The following CYP4F11 variants were observed in gnomAD, a reference collection of about 807,000 sequenced individuals.
CYP4F11 encodes the protein cytochrome P450 4F11.
Under a neutral mutation model 62.2 loss-of-function variants are expected in CYP4F11, and 79 were observed. That is an observed-to-expected ratio of 1.27 (90% CI 1.06 to 1.53). The LOEUF (loss-of-function observed/expected upper bound fraction) is 1.53. CYP4F11 is among the 40% of genes most tolerant of loss of function. The pLI, the probability that CYP4F11 is intolerant of heterozygous loss-of-function variation, is 0.00. For missense variants in CYP4F11, 777 were observed against 680.5 expected, an observed-to-expected ratio of 1.14 and a Z score of -1.58; for synonymous variants, 290 against 263.7, an observed-to-expected ratio of 1.10 and a Z score of -0.97.
chr19:15,919,471 T>TATAGATAGATAGATG (rs2089607585), intron 8 of CYP4F11, among the ~76,000 whole-genome samples: 1 of 136,588 alleles, frequency 7.3e-6, no homozygotes, highest in East Asian at 2.1e-4. Flanking sequence ...TGGACAGATG[T>TATAGATAGATAGATG]ATAGATAGAT....
rs1290891210 is a variant in CYP4F11, at chr19:15,923,858, G to A, written c.872C>T (p.Ala291Val). 1 of 1,614,210 alleles carries A rather than the reference G, an allele frequency of 6.2e-7. No individual in the cohort carries two copies. The highest frequency in any genetic ancestry group is 1.1e-5 in the South Asian group (1 of 91,086). ...AATGAAGTCTAAAGTCTTGGACTTTGCCTTGTTCTTGAGGAAATCATCAAT... is the reference window on the plus strand; with the variant it reads ...AATGAAGTCTAAAGTCTTGGACTTTACCTTGTTCTTGAGGAAATCATCAAT... ...QGIDDFLKNK[A>V]KSKTLDFIDV... The change falls in exon 6 of 12, where the codon GCA becomes GTA. Residue 291 changes from alanine (A) to valine (V), a missense_variant. By Grantham distance (64) the Ala-to-Val change is moderately conservative (BLOSUM62 0). Coordinates refer to ENST00000402119, the MANE Select transcript of CYP4F11 (RefSeq NM_021187.4).
At chr19:15,914,923 T>C (rs753621794) in intron 8 of CYP4F11, 28 bp from the exon 9 acceptor site, 10 of 1,610,730 alleles carry the variant, frequency 6.2e-6, no homozygotes, top group Non-Finnish European at 8.5e-6. Flanking sequence ...CCCCAATCAT[T>C]ATCAAGGGAA....
At chr19:15,919,762 G>A (rs868804029) in intron 8 of CYP4F11, among the ~76,000 whole-genome samples, 5 of 152,226 alleles carry the variant, frequency 3.3e-5, no homozygotes, top group Middle Eastern at 6.8e-3. Context: ...AAAGAATCCT[G>A]TCGTTGGTGA....
In CYP4F11 at chr19:15,913,746, C is replaced by T; in HGVS notation, c.1561G>A (p.Ala521Thr). The T allele has an allele frequency of 6.2e-7, 1 of 1,614,164 alleles. No homozygotes were observed. The highest frequency in any genetic ancestry group is 2.2e-5 in the East Asian group (1 of 44,876). ...GGGTAGGACAGTCACTGTGAGTTCGCACCCAGGGGCTCCACCCGCAGCCAA... is the reference window on the plus strand; with the variant it reads ...GGGTAGGACAGTCACTGTGAGTTCGTACCCAGGGGCTCCACCCGCAGCCAA... The part of the protein sequence containing the change: ...GLWLRVEPLG[A>T]NSQ Residue 521 changes from alanine (A) to threonine (T), a missense_variant, in exon 12 of 12, where the codon GCG (alanine) becomes ACG (threonine). Coordinates refer to ENST00000402119, the MANE Select transcript of CYP4F11 (RefSeq NM_021187.4).
At chr19:15,922,691 T>A (rs528814769) in intron 6 of CYP4F11, among the ~76,000 whole-genome samples, 1 of 152,298 alleles carries the variant, frequency 6.6e-6, no homozygotes, top group South Asian at 2.1e-4. Flanking sequence ...ATGAGGACTT[T>A]TGGAGTAAAG....
intron 10 of CYP4F11, 59 bp downstream of exon 10, chr19:15,914,543 C>T: frequency 6.2e-7 from 1 of 1,602,852 alleles, no homozygotes; most frequent in Non-Finnish European, 8.5e-7. Context: ...AAAACCCTGT[C>T]ACCTCCTCTA....
At chr19:15,915,276 C>A (rs2089575311) in intron 8 of CYP4F11, among the ~76,000 whole-genome samples, 1 of 152,128 alleles carries the variant, frequency 6.6e-6, no homozygotes, top group African/African-American at 2.4e-5. Context: ...GCGATAGTAG[C>A]AAATGCAATT....
intron 8 of CYP4F11, among the ~76,000 whole-genome samples, chr19:15,917,867 ATTTAGTGTGGTGAG>A (rs1287242852): frequency 6.6e-6 from 1 of 152,222 alleles, no homozygotes; most frequent in Admixed American, 6.5e-5. Flanking sequence ...ACTGACAAAA[ATTTAGTGTGGTGAG>A]TCCTCAAAGA....
At chr19:15,927,688 A>G in intron 2 of CYP4F11, 1 of 624,492 alleles carries the variant, frequency 1.6e-6, no homozygotes, top group Non-Finnish European at 2.8e-6. Context: ...GAGCAATAAC[A>G]CAGCATGCCC....
Position 15,934,198 on chromosome 19 carries a change from C to G in CYP4F11, c.198+13G>C, listed in dbSNP as rs201187403. On this transcript the variant is annotated intron_variant, in intron 1 of 11. Coordinates refer to ENST00000402119, the MANE Select transcript of CYP4F11 (RefSeq NM_021187.4). Reference sequence around the variant, plus strand: ...ATCCTGAGACCCCAGACCCGTCCTGCTGACAAACTCACCAGGCCCTGGTGT... The same window carrying G: ...ATCCTGAGACCCCAGACCCGTCCTGGTGACAAACTCACCAGGCCCTGGTGT... 7.8e-5 allele frequency: 125 copies of G among 1,612,854 alleles called. No individual in the cohort carries two copies. The highest frequency in any genetic ancestry group is 3.3e-5 in the Admixed American group (2 of 59,856).
intron 8 of CYP4F11, among the ~76,000 whole-genome samples, chr19:15,920,331 CAG>C (rs985829957): frequency 3.9e-5 from 6 of 152,230 alleles, no homozygotes; most frequent in Non-Finnish European, 7.4e-5. Context: ...CCTACTCACA[CAG>C]AAAAAGAGAG....
intron 8 of CYP4F11, among the ~76,000 whole-genome samples, chr19:15,918,026 G>T (rs116380703): frequency 3.7e-3 from 564 of 152,206 alleles, no homozygotes; most frequent in African/African-American, 0.012. Flanking sequence ...GTGAAGACAA[G>T]GAATCAACCC....
intron 8 of CYP4F11, among the ~76,000 whole-genome samples, chr19:15,916,376 A>G (rs2089583785): frequency 6.6e-6 from 1 of 152,236 alleles, no homozygotes; most frequent in Non-Finnish European, 1.5e-5. Flanking sequence ...CAAAGAATGC[A>G]TGACTAAGAC....
chr19:15,919,189 A>G (rs148614199), intron 8 of CYP4F11, among the ~76,000 whole-genome samples: 11 of 148,140 alleles, frequency 7.4e-5, no homozygotes, highest in African/African-American at 2.7e-4. Context: ...TATATGAAAT[A>G]TATACATTTC....
At chr19:15,919,478 A>AACG in intron 8 of CYP4F11, among the ~76,000 whole-genome samples, 1 of 99,636 alleles carries the variant, frequency 1.0e-5, no homozygotes, top group South Asian at 4.7e-4. Context: ...ATGTATAGAT[A>AACG]GATAGATAGA....
chr19:15,931,548 AGG>A (rs1372666720), intron 1 of CYP4F11, among the ~76,000 whole-genome samples: 9 of 114,554 alleles, frequency 7.9e-5, no homozygotes, highest in Non-Finnish European at 1.6e-4. Context: ...GAGCGGGGAG[AGG>A]AATGAGTGAG....
At chr19:15,916,420 G>A (rs1226820184) in intron 8 of CYP4F11, among the ~76,000 whole-genome samples, 1 of 151,966 alleles carries the variant, frequency 6.6e-6, no homozygotes, top group Non-Finnish European at 1.5e-5. Flanking sequence ...CAAAAATAAA[G>A]AAATCGGTCC....
Position 15,913,427 on chromosome 19 carries a change from C to G in CYP4F11, c.*305G>C. 2.5e-6 allele frequency: 1 copy of G among 404,334 alleles called. No homozygotes were observed. Among genetic ancestry groups the G allele is most frequent in the Non-Finnish European group, 4.7e-6 (1 of 214,400 alleles). The allele number at this position is 404,334 out of a possible 1,614,324, so 25.0% of individuals were successfully genotyped here. On this transcript the variant is annotated 3_prime_UTR_variant, in exon 12 of 12. Coordinates refer to ENST00000402119, the MANE Select transcript of CYP4F11 (RefSeq NM_021187.4). ...AGAGTCTCAGTCTTGCTCCTTAAAC[C>G]CATTCTTAATCCTGTTCCCTCTCCT... is the stretch of plus-strand genomic sequence containing the variant.
At chr19:15,916,874 G>C (rs1158430738) in intron 8 of CYP4F11, among the ~76,000 whole-genome samples, 2 of 152,128 alleles carry the variant, frequency 1.3e-5, no homozygotes, top group South Asian at 2.1e-4. Flanking sequence ...AGATTCCTTA[G>C]AGAACTAAAC....
Sources: allele counts gnomAD v4.1 joint callset (sites outside exome capture counted in the v4.1 genomes callset), GRCh38; gene constraint gnomAD v4.1.1; transcripts MANE v1.5; gene names NCBI Gene and HGNC (gene_info 2026-07-23, HGNC 2026-07-21).